Variants in PARN observed in about 807,000 individuals in gnomAD.
PARN encodes the protein poly(A)-specific ribonuclease.
In PARN, 71 loss-of-function variants were observed where a neutral mutation model predicts 102.8. That is an observed-to-expected ratio of 0.69 (90% CI 0.57 to 0.84). The LOEUF (loss-of-function observed/expected upper bound fraction) is 0.84. Ranked by LOEUF, PARN falls within the 40% of genes least tolerant of loss-of-function variation. The pLI is 0.00. For missense variants in PARN, 782 were observed against 760.9 expected (o/e 1.03, Z -0.33); for synonymous variants, 261 against 252.9 (o/e 1.03, Z -0.30).
At chr16:14,500,212 T>A (rs527983742) in intron 21 of PARN, among the ~76,000 whole-genome samples, 1 of 151,992 alleles carries the variant, frequency 6.6e-6, no homozygotes, top group African/African-American at 2.4e-5. Context: ...CTTGCCACCA[T>A]GTCCGGGTAA....
chr16:14,596,945 C>T (rs915620470), intron 12 of PARN, among the ~76,000 whole-genome samples: 1 of 152,004 alleles, frequency 6.6e-6, no homozygotes, highest in Non-Finnish European at 1.5e-5. Flanking sequence ...TGCCACCACG[C>T]TCAGCTAATT....
At chr16:14,586,271 C>T in intron 14 of PARN, 47 bp downstream of exon 14, 1 of 1,211,672 alleles carries the variant, frequency 8.3e-7, no homozygotes, top group Non-Finnish European at 1.2e-6. Context: ...GCCACCGTGC[C>T]CAGCCAACTT....
intron 21 of PARN, among the ~76,000 whole-genome samples, chr16:14,549,950 G>T (rs997765510): frequency 2.6e-5 from 4 of 152,202 alleles, no homozygotes; most frequent in African/African-American, 9.7e-5. Flanking sequence ...CTGACAAGTG[G>T]TGGAGCCAAA....
chr16:14,545,878 G>T (rs1160488728), intron 21 of PARN, among the ~76,000 whole-genome samples: 36 of 152,054 alleles, frequency 2.4e-4, no homozygotes, highest in Non-Finnish European at 4.4e-5. Flanking sequence ...TTAGAAAAAA[G>T]AAGAAAAGAA....
At chr16:14,476,835 GGTATAA>G (rs1963080081) in intron 22 of PARN, among the ~76,000 whole-genome samples, 1 of 151,962 alleles carries the variant, frequency 6.6e-6, no homozygotes, top group Non-Finnish European at 1.5e-5. Context: ...AACACAAAGA[GGTATAA>G]GCAAAAAGTC....
At chr16:14,525,640 C>T (rs1965956674) in intron 21 of PARN, among the ~76,000 whole-genome samples, 1 of 152,116 alleles carries the variant, frequency 6.6e-6, no homozygotes, top group Non-Finnish European at 1.5e-5. Flanking sequence ...GCAAAGGGGC[C>T]CTGCAAGCCT....
intron 12 of PARN, among the ~76,000 whole-genome samples, chr16:14,596,901 C>T (rs979438296): frequency 6.6e-6 from 1 of 151,872 alleles, no homozygotes; most frequent in Non-Finnish European, 1.5e-5. Context: ...ATTCTCCTGC[C>T]TCAGCCTCCC....
chr16:14,533,348 T>C (rs1314312414), intron 21 of PARN, among the ~76,000 whole-genome samples: 3 of 151,292 alleles, frequency 2.0e-5, no homozygotes, highest in Non-Finnish European at 2.9e-5. Flanking sequence ...TGAGCCGAGA[T>C]GGCAGCAGTA....
chr16:14,487,873 G>C (rs1324956879), intron 21 of PARN, among the ~76,000 whole-genome samples: 1 of 152,118 alleles, frequency 6.6e-6, no homozygotes. Flanking sequence ...ACCAAAGACG[G>C]TCACTTTATT....
intron 18 of PARN, among the ~76,000 whole-genome samples, chr16:14,561,019 T>C (rs780329597): frequency 1.3e-5 from 2 of 152,200 alleles, no homozygotes; most frequent in East Asian, 3.9e-4. Context: ...TAGCTGGGTA[T>C]GGTGGCGGGT....
intron 2 of PARN, among the ~76,000 whole-genome samples, chr16:14,628,748 GC>G (rs1376938030): frequency 6.6e-6 from 1 of 152,128 alleles, no homozygotes; most frequent in Non-Finnish European, 1.5e-5. Flanking sequence ...ACTACCTAAA[GC>G]CAAGGATACT....
At chr16:14,615,029 T>C (rs756292549) in intron 6 of PARN, among the ~76,000 whole-genome samples, 1 of 151,778 alleles carries the variant, frequency 6.6e-6, no homozygotes, top group Non-Finnish European at 1.5e-5. Context: ...AGTCACCTGG[T>C]TTCCCTCCAG....
intron 21 of PARN, among the ~76,000 whole-genome samples, chr16:14,511,957 G>C (rs1258616735): frequency 1.3e-5 from 2 of 152,112 alleles, no homozygotes; most frequent in South Asian, 4.1e-4. Context: ...CCAAAGCACT[G>C]GGATTATAGG....
At chr16:14,564,464 C>G (rs541991377) in intron 18 of PARN, among the ~76,000 whole-genome samples, 1 of 152,194 alleles carries the variant, frequency 6.6e-6, no homozygotes, top group African/African-American at 2.4e-5. Context: ...AACCTTCCCA[C>G]GACTGTAGTG....
At chr16:14,629,815 C>G (rs1047591477) in intron 1 of PARN, 141 bp from the exon 2 acceptor site, 3 of 711,738 alleles carry the variant, frequency 4.2e-6, no homozygotes, top group South Asian at 1.7e-5. Context: ...CGAGGGGAAT[C>G]AAGTCCTCGA....
At chr16:14,532,181 T>C (rs1230267745) in intron 21 of PARN, among the ~76,000 whole-genome samples, 1 of 151,218 alleles carries the variant, frequency 6.6e-6, no homozygotes, top group Non-Finnish European at 1.5e-5. Flanking sequence ...CTGATTTTTT[T>C]TTTTTTTTTT....
intron 21 of PARN, among the ~76,000 whole-genome samples, chr16:14,501,096 A>G (rs1964560987): frequency 6.6e-6 from 1 of 151,998 alleles, no homozygotes; most frequent in Non-Finnish European, 1.5e-5. Context: ...AGGACATGAT[A>G]TGGAAGTCAA....
At chr16:14,600,126 C>T (rs1048430960) in intron 11 of PARN, among the ~76,000 whole-genome samples, 166 bp from the exon 12 acceptor site, 1 of 152,278 alleles carries the variant, frequency 6.6e-6, no homozygotes, top group East Asian at 1.9e-4. Context: ...CTAAAATGAT[C>T]TACGTACATA....
intron 11 of PARN, among the ~76,000 whole-genome samples, chr16:14,600,680 G>A (rs916482914): frequency 1.3e-5 from 2 of 151,996 alleles, no homozygotes; most frequent in Admixed American, 6.6e-5. Context: ...CCTGTAATCC[G>A]AGCACTTTGG....
Sources: gnomAD v4.1 joint callset for allele counts (sites outside exome capture counted in the v4.1 genomes callset) on GRCh38, gnomAD v4.1.1 for gene constraint, MANE v1.5 for transcripts, NCBI Gene and HGNC (gene_info 2026-07-23, HGNC 2026-07-21) for gene names.